The following WDR73 variants were observed in gnomAD, a reference collection of about 807,000 sequenced individuals.
The protein encoded by WDR73 is integrator complex assembly factor WDR73.
A neutral mutation model predicts 38.2 loss-of-function variants in WDR73; 30 were observed. That is an observed-to-expected ratio of 0.79 (90% confidence interval 0.59 to 1.06). The LOEUF (loss-of-function observed/expected upper bound fraction) is 1.06. Ranked by LOEUF, WDR73 falls within the 50% of genes least tolerant of loss-of-function variation. WDR73 has a pLI of 0.00. For missense variants in WDR73, 487 were observed against 467.0 expected, an observed-to-expected ratio of 1.04 and a Z score of -0.40; for synonymous variants, 197 against 176.0, an observed-to-expected ratio of 1.12 and a Z score of -0.94.
chr15:84,648,024 G>A (rs1896516733), intron 4 of WDR73, 70 bp from the exon 5 acceptor site: 1 of 1,403,856 alleles, frequency 7.1e-7, no homozygotes, highest in Non-Finnish European at 1.0e-6. Context: ...CCCCTTTCCA[G>A]CACACTTAGC....
chr15:84,652,861 A>G, intron 2 of WDR73, 59 bp from the exon 3 acceptor site: 1 of 1,057,086 alleles, frequency 9.5e-7, no homozygotes, highest in South Asian at 1.5e-5. Flanking sequence ...AGACCATGCA[A>G]TCCCCCGAAG....
chr15:84,645,851 G>A lies in WDR73; in HGVS notation c.518-15C>T, dbSNP rs769046451. On this transcript the variant is annotated splice_polypyrimidine_tract_variant and intron_variant, in intron 6 of 7. Transcript: ENST00000434634. ...GTCACTGACATCTGGAAGACCGACA[G>A]CAAAGGAGACAAGCGGCTGGAGGCA... is the stretch of plus-strand genomic sequence containing the variant. 6.2e-7 allele frequency: 1 copy of A among 1,613,392 alleles called. No individual in the cohort carries two copies. Among genetic ancestry groups the A allele is most frequent in the Non-Finnish European group, 8.5e-7 (1 of 1,179,820 alleles).
intron 1 of WDR73, 154 bp downstream of exon 1, chr15:84,654,080 C>T: frequency 1.0e-6 from 1 of 987,488 alleles, no homozygotes; most frequent in East Asian, 2.4e-5. Context: ...GAGATGGGGG[C>T]CTAGGCCCAG....
Position 84,643,651 on chromosome 15 carries a change from CTCCGTGT to C in WDR73, c.949_955del (p.Thr317AlafsTer3), listed in dbSNP as rs751086033. Reference sequence around the variant, plus strand: ...GTGAGTGAAGAGAGGTTCTACTTGGCTCCGTGTTCCATCTTGGCTCCGTGTTCCATCC... The same window carrying C: ...GTGAGTGAAGAGAGGTTCTACTTGGCTCCATCTTGGCTCCGTGTTCCATCC... On this transcript the variant is annotated frameshift_variant, in exon 8 of 8. Transcript: ENST00000434634. LOFTEE classifies it high-confidence loss of function. 35 of 1,068,356 alleles carry C rather than the reference CTCCGTGT, an allele frequency of 3.3e-5. No homozygotes were observed. Among genetic ancestry groups the C allele is most frequent in the African/African-American group, 5.3e-5 (3 of 57,088 alleles). 66.2% of individuals were successfully genotyped at this position (1,068,356 alleles called of 1,614,324 possible).
intron 1 of WDR73, 189 bp downstream of exon 1, chr15:84,654,045 G>T: frequency 1.4e-6 from 1 of 720,864 alleles, no homozygotes; most frequent in Non-Finnish European, 2.3e-6. Flanking sequence ...CACAACGCGC[G>T]CACGCAGGAA....
chr15:84,646,443 C>A (rs1440313171), intron 5 of WDR73, 95 bp from the exon 6 acceptor site: 2 of 1,499,642 alleles, frequency 1.3e-6, no homozygotes, highest in East Asian at 4.6e-5. Flanking sequence ...TTTAGAAGAT[C>A]AAGGAAGAAA....
At position 84,643,525 on chromosome 15, in the gene WDR73, G is replaced by C. The variant is rs1896334304; in HGVS notation, c.1082C>G (p.Thr361Arg). 6.3e-7 allele frequency: 1 copy of C among 1,595,082 alleles called. No individual in the cohort carries two copies. Among genetic ancestry groups the C allele is most frequent in the African/African-American group, 1.3e-5 (1 of 74,678 alleles). Residue 361 changes from threonine (T) to arginine (R), a missense_variant, in exon 8 of 8, where the codon ACA (threonine) becomes AGA (arginine). Transcript: ENST00000434634. ...CCACACATGCAGAGAGGCATCATTT[G>C]TTGCTGATAACAAAGTCCTTGGTCT... ...PCRPRTLLSA[T>R]NDASLHVWDW...
intron 4 of WDR73, 131 bp downstream of exon 4, chr15:84,648,406 C>T: frequency 2.9e-6 from 2 of 690,818 alleles, no homozygotes; most frequent in South Asian, 1.7e-5. Flanking sequence ...TGTGTGCACA[C>T]ACTTGTGCAC....
At chr15:84,648,096 C>T (rs967029151) in intron 4 of WDR73, 142 bp from the exon 5 acceptor site, 3 of 729,702 alleles carry the variant, frequency 4.1e-6, no homozygotes, top group Admixed American at 4.1e-5. Context: ...CAACCACCCT[C>T]ATTTCACAGA....
chr15:84,644,803 T>A (rs187197260), intron 7 of WDR73: 1 of 151,972 alleles, frequency 6.6e-6, no homozygotes, highest in Admixed American at 6.6e-5. Context: ...GGTCTCGATC[T>A]CCTGACCTTG....
chr15:84,646,178 C>A lies in WDR73; in HGVS notation c.517+6G>T, dbSNP rs201658963. 5 of 1,613,500 alleles carry A rather than the reference C, an allele frequency of 3.1e-6. No homozygotes were observed. Among genetic ancestry groups the A allele is most frequent in the Non-Finnish European group, 4.2e-6 (5 of 1,179,874 alleles). On this transcript the variant is annotated splice_donor_region_variant and intron_variant, in intron 6 of 7. Transcript: ENST00000434634. The stretch of plus-strand genomic sequence containing the variant: ...GCAGCAAGCAAGGGACAAAGTACCA[C>A]GGTACCTGAGGTGTACGTGGTCTTC...
intron 3 of WDR73, among the ~76,000 whole-genome samples, chr15:84,652,117 C>T (rs964166561): frequency 6.6e-6 from 1 of 152,176 alleles, no homozygotes; most frequent in African/African-American, 2.4e-5. Flanking sequence ...CCGCCCAACT[C>T]GGCCTCCCAA....
intron 3 of WDR73, among the ~76,000 whole-genome samples, chr15:84,651,880 T>G (rs562746101): frequency 6.6e-6 from 1 of 152,342 alleles, no homozygotes; most frequent in South Asian, 2.1e-4. Context: ...TGAATGATTT[T>G]TTTTTTTGAG....
In WDR73 at chr15:84,648,630, A is replaced by G. The variant is rs761681206; in HGVS notation, c.199-5T>C. 2.5e-6 allele frequency: 4 copies of G among 1,610,278 alleles called. No individual in the cohort carries two copies. The highest frequency in any genetic ancestry group is 3.4e-6 in the Non-Finnish European group (4 of 1,176,516). ...ATCTCTTTCTGGGAATAAGCCCTAA[A>G]ATACAAAGGAGTAGCCAATCAGAGC... On this transcript the variant is annotated splice_region_variant and splice_polypyrimidine_tract_variant and intron_variant, in intron 3 of 7. Transcript: ENST00000434634.
intron 5 of WDR73, 51 bp downstream of exon 5, chr15:84,647,839 T>C: frequency 1.9e-6 from 3 of 1,561,370 alleles, no homozygotes; most frequent in Non-Finnish European, 1.8e-6. Context: ...CAGGGGTGTA[T>C]GAGTCACACT....
At chr15:84,649,828 T>C (rs1896571072) in intron 3 of WDR73, among the ~76,000 whole-genome samples, 2 of 152,270 alleles carry the variant, frequency 1.3e-5, no homozygotes, top group South Asian at 4.1e-4. Flanking sequence ...CAGGCTGGAC[T>C]TGAACTCCTA....
chr15:84,646,721 C>A (rs760760326), intron 5 of WDR73: 62 of 195,274 alleles, frequency 3.2e-4, no homozygotes, highest in Middle Eastern at 2.5e-3. Context: ...GTACAGAATT[C>A]ATGAACTGAT....
At chr15:84,651,446 G>C (rs1258519172) in intron 3 of WDR73, among the ~76,000 whole-genome samples, 1 of 151,954 alleles carries the variant, frequency 6.6e-6, no homozygotes. Context: ...AGGAATTCAG[G>C]AGCAAACACT....
intron 3 of WDR73, 78 bp from the exon 4 acceptor site, chr15:84,648,703 GTCCTAGCCT>G: frequency 8.6e-7 from 1 of 1,167,336 alleles, no homozygotes; most frequent in Non-Finnish European, 1.3e-6. Context: ...GAGGAGTCAG[GTCCTAGCCT>G]GGCAGGAGGC....
Sources: gnomAD v4.1 joint callset for allele counts (sites outside exome capture counted in the v4.1 genomes callset) on GRCh38, gnomAD v4.1.1 for gene constraint, MANE v1.5 for transcripts, NCBI Gene and HGNC (gene_info 2026-07-23, HGNC 2026-07-21) for gene names.